Variants in IL1RAPL1 observed in about 807,000 individuals in gnomAD.
The protein encoded by IL1RAPL1 is interleukin-1 receptor accessory protein-like 1.
IL1RAPL1 carries 3 observed loss-of-function variants against 48.4 expected under a neutral mutation model. The ratio of observed to expected loss-of-function variants is 0.06; its 90% CI spans 0.03 to 0.16. IL1RAPL1 has a LOEUF of 0.16. Ranked by LOEUF, IL1RAPL1 falls within the 10% of genes least tolerant of loss-of-function variation. The pLI is 1.00. For synonymous variants in IL1RAPL1, 185 were observed against 187.7 expected, an observed-to-expected ratio of 0.99 and a Z score of 0.12; for missense variants, 349 against 530.6, an observed-to-expected ratio of 0.66 and a Z score of 3.36.
chrX:29,329,068 T>A (rs1453532177), intron 3 of IL1RAPL1, among the ~76,000 whole-genome samples: 1 of 111,389 alleles, frequency 9.0e-6, no homozygotes, highest in Admixed American at 9.6e-5. Context: ...AGATCTTACA[T>A]TATCCATGAT....
intron 6 of IL1RAPL1, among the ~76,000 whole-genome samples, chrX:29,704,511 A>C (rs1040213384): frequency 9.1e-6 from 1 of 110,210 alleles, no homozygotes; most frequent in Admixed American, 9.7e-5. Context: ...TTTACTAAAA[A>C]TACAAGAATT....
chrX:29,301,503 T>C (rs1440924071), intron 3 of IL1RAPL1, among the ~76,000 whole-genome samples: 2 of 112,419 alleles, frequency 1.8e-5, no homozygotes, highest in Non-Finnish European at 3.8e-5. Context: ...TATATTCACA[T>C]TGTGTATAAG....
At chrX:29,099,025 G>A (rs1038380843) in intron 2 of IL1RAPL1, among the ~76,000 whole-genome samples, 21 of 110,834 alleles carry the variant, frequency 1.9e-4, no homozygotes, top group African/African-American at 6.6e-4. Flanking sequence ...GGTGGTGGGC[G>A]CCTGTAATCC....
intron 2 of IL1RAPL1, among the ~76,000 whole-genome samples, chrX:28,899,262 G>A (rs1200662934): frequency 9.0e-6 from 1 of 111,258 alleles, no homozygotes; most frequent in African/African-American, 3.3e-5. Context: ...TTCACATGTG[G>A]GGATTATAAT....
chrX:29,846,202 A>AGAT (rs2147196048), intron 6 of IL1RAPL1, among the ~76,000 whole-genome samples: 1 of 111,689 alleles, frequency 9.0e-6, no homozygotes, highest in East Asian at 2.8e-4. Flanking sequence ...TACTCCCACA[A>AGAT]GATAACCCTA....
intron 5 of IL1RAPL1, among the ~76,000 whole-genome samples, chrX:29,661,091 G>A (rs1297499111): frequency 9.0e-6 from 1 of 111,426 alleles, no homozygotes; most frequent in Non-Finnish European, 1.9e-5. Flanking sequence ...TATTTTTTGT[G>A]CTATTGTAAA....
chrX:29,144,857 G>A lies in IL1RAPL1; in HGVS notation c.83-138081G>A, dbSNP rs1029865057. 3.7e-5 allele frequency among the ~76,000 whole-genome samples: 4 copies of A among 106,765 alleles called. No individual in the cohort carries two copies. In the Admixed American group the frequency reaches 4.1e-4, roughly 11 times the overall value. 92.7% of individuals were successfully genotyped at this position (106,765 alleles called of 115,157 possible). A position where few individuals can be genotyped will look rare whatever the true frequency, so the allele number is the denominator to read the frequency against. ...TTCTCCTGCCTCAGCCTCCTGAGGA[G>A]CTGGGATTACAGGCGCGCACCACCA... On this transcript the variant is annotated intron_variant, in intron 2 of 10. Coordinates refer to ENST00000378993, the MANE Select transcript of IL1RAPL1 (RefSeq NM_014271.4).
chrX:29,430,828 A>T (rs1324432029), intron 5 of IL1RAPL1, among the ~76,000 whole-genome samples: 1 of 110,659 alleles, frequency 9.0e-6, no homozygotes, highest in African/African-American at 3.3e-5. Flanking sequence ...AAAAGAGATC[A>T]GAAGAGAAAC....
chrX:28,704,705 C>T (rs1472337559), intron 1 of IL1RAPL1, among the ~76,000 whole-genome samples: 6 of 104,593 alleles, frequency 5.7e-5, no homozygotes, highest in Non-Finnish European at 5.8e-5. Context: ...CATATTTGAG[C>T]CCAGACCTGA....
At chrX:28,691,079 C>T (rs185057308) in intron 1 of IL1RAPL1, among the ~76,000 whole-genome samples, 98 of 111,479 alleles carry the variant, frequency 8.8e-4, no homozygotes, top group Admixed American at 3.7e-3. Flanking sequence ...TCAGTGGCTT[C>T]TAATTGCTCT....
intron 3 of IL1RAPL1, among the ~76,000 whole-genome samples, chrX:29,292,666 A>C (rs781260776): frequency 9.7e-4 from 108 of 111,378 alleles, no homozygotes; most frequent in African/African-American, 3.5e-3. Flanking sequence ...TATCCTACCC[A>C]GTAATTTTAA....
At chrX:28,648,203 A>G (rs1934637917) in intron 1 of IL1RAPL1, among the ~76,000 whole-genome samples, 1 of 111,227 alleles carries the variant, frequency 9.0e-6, no homozygotes, top group South Asian at 3.8e-4. Context: ...TTCAGAGAAG[A>G]CTTCTTAAGG....
intron 6 of IL1RAPL1, among the ~76,000 whole-genome samples, chrX:29,844,803 C>G (rs1452228836): frequency 8.9e-6 from 1 of 111,999 alleles, no homozygotes; most frequent in Non-Finnish European, 1.9e-5. Flanking sequence ...ATACAAGGAA[C>G]AACTGTATTG....
chrX:29,580,974 G>A (rs1922943521), intron 5 of IL1RAPL1, among the ~76,000 whole-genome samples: 1 of 111,726 alleles, frequency 9.0e-6, no homozygotes, highest in Non-Finnish European at 1.9e-5. Context: ...ACTTTATATT[G>A]TGGAAATAAA....
intron 1 of IL1RAPL1, among the ~76,000 whole-genome samples, chrX:28,762,781 C>T (rs929327310): frequency 3.0e-5 from 2 of 66,326 alleles, no homozygotes; most frequent in Non-Finnish European, 5.2e-5. Flanking sequence ...AATACGCACG[C>T]GCGCGCACAC....
At chrX:28,979,935 C>T (rs905732074) in intron 2 of IL1RAPL1, among the ~76,000 whole-genome samples, 16 of 112,267 alleles carry the variant, frequency 1.4e-4, no homozygotes, top group Admixed American at 1.0e-3. Context: ...GATGCAAGTT[C>T]ATCATAGTTG....
chrX:29,433,641 A>G (rs747755893), intron 5 of IL1RAPL1, among the ~76,000 whole-genome samples: 1 of 111,528 alleles, frequency 9.0e-6, no homozygotes, highest in South Asian at 3.6e-4. Context: ...GCCTGTTTAC[A>G]ACATAGGGTA....
At chrX:29,914,865 G>C (rs1303762588) in intron 6 of IL1RAPL1, among the ~76,000 whole-genome samples, 1 of 112,472 alleles carries the variant, frequency 8.9e-6, no homozygotes, top group Non-Finnish European at 1.9e-5. Flanking sequence ...TTCTCTAAAG[G>C]AGAGGGAATT....
chrX:29,080,974 TTCTTTCTTTCTTTCTTTCTTTC>T (rs1184449348), intron 2 of IL1RAPL1, among the ~76,000 whole-genome samples: 19 of 44,341 alleles, frequency 4.3e-4, no homozygotes, highest in African/African-American at 2.2e-3. Context: ...CTTTCTTTCT[TTCTTTCTTTCTTTCTTTCTTTC>T]TCTCTCTCTC....
Sources: allele counts gnomAD v4.1 joint callset (sites outside exome capture counted in the v4.1 genomes callset), GRCh38; gene constraint gnomAD v4.1.1; transcripts MANE v1.5; gene names NCBI Gene and HGNC (gene_info 2026-07-23, HGNC 2026-07-21).